Variants in SYCE1 observed in about 807,000 individuals in gnomAD.
SYCE1 encodes the protein cancer/testis antigen 76.
Under a neutral mutation model 55.1 loss-of-function variants are expected in SYCE1, and 37 were observed. The ratio of observed to expected loss-of-function variants is 0.67; its 90% CI spans 0.52 to 0.88. SYCE1 has a LOEUF of 0.88. Among genes scored for constraint, SYCE1 ranks in the 40% least tolerant of loss-of-function variants. The probability of loss-of-function intolerance (pLI) is 0.00; values close to 1 mark genes in which losing one functional copy is unlikely to be tolerated. For synonymous variants in SYCE1, 163 were observed against 159.4 expected (o/e 1.02, Z -0.17); for missense variants, 399 against 416.4 (o/e 0.96, Z 0.36).
chr10:133,556,223 C>G, intron 8 of SYCE1, 176 bp from the exon 9 acceptor site: 1 of 653,308 alleles, frequency 1.5e-6, no homozygotes, highest in Non-Finnish European at 2.6e-6. Context: ...CATTCCCTCC[C>G]TGTGCACTTC....
Position 133,556,004 on chromosome 10 carries a change from C to T in SYCE1, c.572G>A (p.Ser191Asn), listed in dbSNP as rs1319104377. The stretch of plus-strand genomic sequence containing the variant: ...ACCTTCCTTGAGCAGCTGCTCCTTG[C>T]TGCTGTCCAGGGCACAAATCTCCTT... ...LAKEICALDS[S>N]KEQLLKEEKL... The change falls in exon 9 of 13, where the codon AGC (serine) becomes AAC (asparagine). Residue 191 changes from serine (S) to asparagine (N), a missense_variant. Transcript: ENST00000343131. The T allele has an allele frequency of 6.2e-6, 10 of 1,614,038 alleles. No homozygotes were observed. Among genetic ancestry groups the T allele is most frequent in the Non-Finnish European group, 8.5e-6 (10 of 1,180,038 alleles).
At chr10:133,567,023 TA>T (rs1851959432), upstream of SYCE1, among the ~76,000 whole-genome samples, 4 of 151,790 alleles carry the variant, frequency 2.6e-5, no homozygotes, top group South Asian at 8.3e-4. Flanking sequence ...CGGTTCGGGC[TA>T]GGGTTTTAGG....
At chr10:133,559,606 A>T in intron 2 of SYCE1, 1 of 516,056 alleles carries the variant, frequency 1.9e-6, no homozygotes, top group South Asian at 2.2e-5. Context: ...GAGGCTAAAG[A>T]GCAAAGGAGT....
At position 133,565,533 on chromosome 10, in the gene SYCE1, C is replaced by T. The variant is rs1236810312; in HGVS notation, c.-4G>A. 2.6e-6 allele frequency: 4 copies of T among 1,549,680 alleles called. No individual in the cohort carries two copies. The highest frequency in any genetic ancestry group is 3.5e-6 in the Non-Finnish European group (4 of 1,146,776). ...ATGTCAGGGACCTCCCCGCCATTTC[C>T]TCTCAGCTCGCCAGCGAGGGTGCCT... On this transcript the variant is annotated 5_prime_UTR_variant, in exon 1 of 13. Transcript: ENST00000343131.
chr10:133,556,008 T>C lies in SYCE1; in HGVS notation c.568A>G (p.Ser190Gly). 1 of 1,614,152 alleles carries C rather than the reference T, an allele frequency of 6.2e-7. No individual in the cohort carries two copies. The highest frequency in any genetic ancestry group is 8.5e-7 in the Non-Finnish European group (1 of 1,180,022). Residue 190 changes from serine (S) to glycine (G), a missense_variant, in exon 9 of 13, where the codon AGC becomes GGC. By Grantham distance (56) the Ser-to-Gly change is moderately conservative. Coordinates refer to ENST00000343131, the MANE Select transcript of SYCE1 (RefSeq NM_001143764.3). ...RLAKEICALD[S>G]SKEQLLKEEK... ...TCCTTGAGCAGCTGCTCCTTGCTGCTGTCCAGGGCACAAATCTCCTTTGCC... is the reference window on the plus strand; with the variant it reads ...TCCTTGAGCAGCTGCTCCTTGCTGCCGTCCAGGGCACAAATCTCCTTTGCC...
At chr10:133,565,853 A>G (rs1474317543), upstream of SYCE1, among the ~76,000 whole-genome samples, 1 of 152,208 alleles carries the variant, frequency 6.6e-6, no homozygotes, top group African/African-American at 2.4e-5. Flanking sequence ...CTCCCCACCA[A>G]CGAGCAGTAC....
chr10:133,559,159 C>T, intron 3 of SYCE1, 142 bp downstream of exon 3: 1 of 997,286 alleles, frequency 1.0e-6, no homozygotes, highest in Non-Finnish European at 1.5e-6. Context: ...GCTGAAATGC[C>T]CTGTACTTAA....
rs527424353 is a variant in SYCE1, at chr10:133,564,648, G to A, written c.73+809C>T. Among the ~76,000 whole-genome samples, 5 of 152,278 alleles carry A rather than the reference G, an allele frequency of 3.3e-5. No individual in the cohort carries two copies. The South Asian group carries it at 1.0e-3, about 32-fold the overall frequency. On this transcript the variant is annotated intron_variant, in intron 1 of 12. Coordinates refer to ENST00000343131, the MANE Select transcript of SYCE1 (RefSeq NM_001143764.3). ...AGCACCTGCCATGGCATTCACGCAGGTAGGGCTGGAGGCAGCCACCGACGT... is the reference window on the plus strand; with the variant it reads ...AGCACCTGCCATGGCATTCACGCAGATAGGGCTGGAGGCAGCCACCGACGT...
In SYCE1 at chr10:133,554,960, A is replaced by T. The variant is rs763957520; in HGVS notation, c.*32T>A. 2 of 1,507,032 alleles carry T rather than the reference A, an allele frequency of 1.3e-6. No individual in the cohort carries two copies. Among genetic ancestry groups the T allele is most frequent in the South Asian group, 1.3e-5 (1 of 74,646 alleles). 93.4% of individuals were successfully genotyped at this position (1,507,032 alleles called of 1,614,324 possible). A position where few individuals can be genotyped will look rare whatever the true frequency, so the allele number is the denominator to read the frequency against. On this transcript the variant is annotated 3_prime_UTR_variant, in exon 13 of 13. Coordinates refer to ENST00000343131, the MANE Select transcript of SYCE1 (RefSeq NM_001143764.3). ...CAGGAGACTGGGGATCTTGGGCCTG[A>T]CCCCTACTCCTCACCAGTAGACTTA...
chr10:133,555,715 G>T lies in SYCE1; in HGVS notation c.720-8C>A. 1 of 1,606,454 alleles carries T rather than the reference G, an allele frequency of 6.2e-7. No homozygotes were observed. ...TCTTCCTGAAACAGCTGCCTGGGGG[G>T]CCCAGTAGGGGGTGGTCAGCACCGG... On this transcript the variant is annotated splice_polypyrimidine_tract_variant and splice_region_variant and intron_variant, in intron 10 of 12. Coordinates refer to ENST00000343131, the MANE Select transcript of SYCE1 (RefSeq NM_001143764.3).
intron 8 of SYCE1, 90 bp downstream of exon 8, chr10:133,556,665 CTGGT>C: frequency 7.5e-7 from 1 of 1,329,416 alleles, no homozygotes; most frequent in South Asian, 1.3e-5. Flanking sequence ...TGCTTGGCGA[CTGGT>C]TGTGGCAGGT....
At chr10:133,566,992 G>A (rs538342825), upstream of SYCE1, among the ~76,000 whole-genome samples, 2 of 151,930 alleles carry the variant, frequency 1.3e-5, no homozygotes, top group Admixed American at 6.6e-5. Flanking sequence ...GGGTAGCGTT[G>A]TGTGTTAGGA....
At position 133,562,284 on chromosome 10, in the gene SYCE1, TGTGTGTGTGTGTGTGTGTGTG is replaced by T. The variant is rs1439755977; in HGVS notation, c.74-2152_74-2132del. On this transcript the variant is annotated intron_variant, in intron 1 of 12. Transcript: ENST00000343131. ...CAATGTGTGTGTGTGTGTGTGTGTGTGTGTGTGTGTGTGTGTGTGTGTGTGTGTGTGTATTTAAAAGGGCTT... is the reference window on the plus strand; with the variant it reads ...CAATGTGTGTGTGTGTGTGTGTGTGTTGTGTGTGTGTATTTAAAAGGGCTT... Among the ~76,000 whole-genome samples the T allele has an allele frequency of 1.9e-4, 24 of 123,296 alleles. No individual in the cohort carries two copies. In the South Asian group the frequency reaches 7.0e-3, roughly 36 times the overall value. 80.9% of individuals were successfully genotyped at this position (123,296 alleles called of 152,430 possible).
intron 3 of SYCE1, 72 bp downstream of exon 3, chr10:133,559,229 A>G: frequency 6.6e-7 from 1 of 1,515,624 alleles, no homozygotes; most frequent in Non-Finnish European, 9.2e-7. Flanking sequence ...GGGACCCTGC[A>G]TTCTCACTTG....
At chr10:133,565,996 C>T (rs1231730494), upstream of SYCE1, among the ~76,000 whole-genome samples, 2 of 152,248 alleles carry the variant, frequency 1.3e-5, no homozygotes, top group Non-Finnish European at 2.9e-5. Context: ...GTGCACGGGC[C>T]CCAGCGAGTG....
rs367684365 is a variant in SYCE1 at position 133,558,878 on chromosome 10, C to T, written c.270G>A (p.Ser90=). ...ICEALQKELD[S]LHGEKVHLKE... is the part of the protein sequence containing the mutation. ...CTGGGTGACCCCCGGCTCTCTTACG[C>T]GAGTCCAGTTCCTTCTGCAGGGCCT... The change falls in exon 4 of 13, where the codon TCG becomes TCA. Residue 90 remains serine, a splice_region_variant and synonymous_variant. Coordinates refer to ENST00000343131, the MANE Select transcript of SYCE1 (RefSeq NM_001143764.3). The T allele has an allele frequency of 5.0e-6, 8 of 1,613,482 alleles. No individual in the cohort carries two copies. Among genetic ancestry groups the T allele is most frequent in the African/African-American group, 2.7e-5 (2 of 74,828 alleles).
At position 133,555,811 on chromosome 10, in the gene SYCE1, A is replaced by G. The variant is rs926494794; in HGVS notation, c.688T>C (p.Phe230Leu). The G allele has an allele frequency of 2.6e-5, 42 of 1,613,542 alleles. No individual in the cohort carries two copies. The highest frequency in any genetic ancestry group is 1.1e-4 in the African/African-American group (8 of 74,928). The change falls in exon 10 of 13, where the codon TTT becomes CTT. Residue 230 changes from phenylalanine to leucine, a missense_variant. Coordinates refer to ENST00000343131, the MANE Select transcript of SYCE1 (RefSeq NM_001143764.3). ...EGPSTLDEGLFLRSQEAAATV... is the reference protein window; with the variant it reads ...EGPSTLDEGLLLRSQEAAATV... ...GCTGCAGCCTCCTGGCTGCGGAGAA[A>G]GAGTCCCTCATCAAGGGTGGAGGGG... is the stretch of plus-strand genomic sequence containing the variant.
In SYCE1 at chr10:133,555,210, T is replaced by C. The variant is rs534360237; in HGVS notation, c.919-81A>G. ...GTCCCCTCCTGCCCCATCACCACCT[T>C]GGGTGGACCCAGTATGGGAAAGGCC... On this transcript the variant is annotated intron_variant, in intron 12 of 12. Coordinates refer to ENST00000343131, the MANE Select transcript of SYCE1 (RefSeq NM_001143764.3). The C allele has an allele frequency of 1.1e-4, 162 of 1,537,852 alleles. 1 individual carries two copies. The highest frequency in any genetic ancestry group is 2.6e-4 in the South Asian group (21 of 81,700).
In SYCE1 at chr10:133,555,847, C is replaced by T; in HGVS notation, c.652G>A (p.Gly218Arg). Reference sequence around the variant, plus strand: ...TCAAGGGTGGAGGGGCCCTCAGCCCCACACAGGGAGCACAGCTGATGCTTC... The same window carrying T: ...TCAAGGGTGGAGGGGCCCTCAGCCCTACACAGGGAGCACAGCTGATGCTTC... ...DVKHQLCSLC[G>R]AEGPSTLDEG... Residue 218 changes from glycine to arginine, a missense_variant, in exon 10 of 13, where the codon GGG (glycine) becomes AGG (arginine). Gly to Arg is a moderately radical substitution (Grantham distance 125, BLOSUM62 -2). Coordinates refer to ENST00000343131, the MANE Select transcript of SYCE1 (RefSeq NM_001143764.3). 1 of 1,614,038 alleles carries T rather than the reference C, an allele frequency of 6.2e-7. No individual in the cohort carries two copies. Among genetic ancestry groups the T allele is most frequent in the Non-Finnish European group, 8.5e-7 (1 of 1,180,016 alleles).
Sources: gnomAD v4.1 joint callset for allele counts (sites outside exome capture counted in the v4.1 genomes callset) on GRCh38, gnomAD v4.1.1 for gene constraint, MANE v1.5 for transcripts, NCBI Gene and HGNC (gene_info 2026-07-23, HGNC 2026-07-21) for gene names.